The following NRXN3 variants were observed in gnomAD, a reference collection of about 807,000 sequenced individuals.
The protein encoded by NRXN3 is neurexin 3.
NRXN3 carries 32 observed loss-of-function variants against 137.6 expected under a neutral mutation model. The ratio of observed to expected loss-of-function variants is 0.23; its 90% CI spans 0.18 to 0.31. The LOEUF is 0.31. Among genes scored for constraint, NRXN3 ranks in the 10% least tolerant of loss-of-function variants. The pLI is 1.00. For missense variants in NRXN3, 1,574 were observed against 2,062.5 expected (o/e 0.76, Z 4.59); for synonymous variants, 798 against 784.5 (o/e 1.02, Z -0.29).
At chr14:79,038,632 G>A (rs941353250) in intron 15 of NRXN3, among the ~76,000 whole-genome samples, 3 of 152,066 alleles carry the variant, frequency 2.0e-5, no homozygotes, top group African/African-American at 7.2e-5. Context: ...TTGACTGCTT[G>A]TAGTTTTTTC....
intron 4 of NRXN3, among the ~76,000 whole-genome samples, chr14:78,511,055 T>G (rs2096095979): frequency 6.6e-6 from 1 of 152,170 alleles, no homozygotes; most frequent in South Asian, 2.1e-4. Context: ...CATAACCCAG[T>G]GCCTTCTTAT....
intron 3 of NRXN3, among the ~76,000 whole-genome samples, chr14:78,291,322 T>G (rs1210176707): frequency 6.6e-6 from 1 of 152,208 alleles, no homozygotes; most frequent in East Asian, 1.9e-4. Context: ...GAGCTGTATT[T>G]AATGAGATAA....
Position 78,213,758 on chromosome 14 carries a change from C to T in NRXN3, c.-703-28633C>T, listed in dbSNP as rs535348780. On this transcript the variant is annotated intron_variant, in intron 1 of 20. Coordinates refer to ENST00000335750, the MANE Select transcript of NRXN3 (RefSeq NM_001330195.2). ...TCTCAGTGGTGCACTTCCATGGCTACCCTCATAGGGGAGGGCCAGGCCACC... is the reference window on the plus strand; with the variant it reads ...TCTCAGTGGTGCACTTCCATGGCTATCCTCATAGGGGAGGGCCAGGCCACC... Among the ~76,000 whole-genome samples the T allele has an allele frequency of 3.3e-5, 5 of 152,144 alleles. No individual in the cohort carries two copies. The South Asian group carries it at 1.0e-3, about 32-fold the overall frequency.
At chr14:79,619,822 G>A (rs1260442363) in intron 16 of NRXN3, among the ~76,000 whole-genome samples, 1 of 152,114 alleles carries the variant, frequency 6.6e-6, no homozygotes, top group East Asian at 1.9e-4. Context: ...CCATATGCAT[G>A]AAAAGATAAA....
chr14:79,622,281 T>G (rs1213265497), intron 16 of NRXN3, among the ~76,000 whole-genome samples: 2 of 152,182 alleles, frequency 1.3e-5, no homozygotes, highest in Non-Finnish European at 1.5e-5. Context: ...GTGATCCTTT[T>G]GTCAGTGGAA....
At chr14:79,209,217 C>T (rs552447152) in intron 15 of NRXN3, among the ~76,000 whole-genome samples, 2 of 152,004 alleles carry the variant, frequency 1.3e-5, no homozygotes, top group Non-Finnish European at 1.5e-5. Flanking sequence ...GGATTATAGG[C>T]GTGAGCCACT....
intron 15 of NRXN3, among the ~76,000 whole-genome samples, chr14:79,011,447 A>AG (rs1338671845): frequency 6.7e-6 from 1 of 148,264 alleles, no homozygotes; most frequent in Non-Finnish European, 1.5e-5. Context: ...AAAAAAAAAA[A>AG]CAATTCAAGA....
At chr14:78,736,142 T>C (rs957952961) in intron 8 of NRXN3, among the ~76,000 whole-genome samples, 1 of 121,306 alleles carries the variant, frequency 8.2e-6, no homozygotes, top group African/African-American at 2.6e-5. Flanking sequence ...GATCCATGTA[T>C]CTTATTCTGA....
intron 20 of NRXN3, among the ~76,000 whole-genome samples, chr14:79,823,479 G>A (rs985228753): frequency 6.6e-6 from 1 of 152,166 alleles, no homozygotes; most frequent in Non-Finnish European, 1.5e-5. Flanking sequence ...GGGATGCTGA[G>A]GTGGGAGGAT....
At chr14:79,059,250 CTTTTTTTTTTTTTTTT>C (rs869266975) in intron 15 of NRXN3, among the ~76,000 whole-genome samples, 1 of 78,320 alleles carries the variant, frequency 1.3e-5, no homozygotes, top group Non-Finnish European at 2.5e-5. Context: ...AGGCCCTATT[CTTTTTTTTTTTTTTTT>C]TTTTTTTTTG....
chr14:78,498,037 G>A (rs1038675004), intron 4 of NRXN3, among the ~76,000 whole-genome samples: 1 of 152,178 alleles, frequency 6.6e-6, no homozygotes, highest in Non-Finnish European at 1.5e-5. Flanking sequence ...CCTAGTATGT[G>A]TTAAGTATTA....
At chr14:79,114,853 C>G (rs537999172) in intron 15 of NRXN3, among the ~76,000 whole-genome samples, 2 of 152,186 alleles carry the variant, frequency 1.3e-5, no homozygotes, top group South Asian at 4.2e-4. Context: ...ATCTTCTCTT[C>G]AGTCTATACC....
intron 15 of NRXN3, among the ~76,000 whole-genome samples, chr14:79,216,936 G>C (rs2068616454): frequency 6.6e-6 from 1 of 151,958 alleles, no homozygotes; most frequent in Non-Finnish European, 1.5e-5. Context: ...GCAGATCAAG[G>C]CCAGCCTGGC....
At chr14:78,817,452 A>G (rs965337292) in intron 10 of NRXN3, among the ~76,000 whole-genome samples, 1 of 152,230 alleles carries the variant, frequency 6.6e-6, no homozygotes, top group Non-Finnish European at 1.5e-5. Context: ...TTCAAAGCAC[A>G]AGCCTTCATA....
intron 10 of NRXN3, among the ~76,000 whole-genome samples, chr14:78,929,151 A>AT (rs1196135115): frequency 2.6e-5 from 4 of 151,674 alleles, no homozygotes; most frequent in Non-Finnish European, 4.4e-5. Context: ...TGGTTGTTTG[A>AT]TTTTTTCTTG....
At chr14:79,126,265 G>A (rs1037507961) in intron 15 of NRXN3, among the ~76,000 whole-genome samples, 11 of 151,884 alleles carry the variant, frequency 7.2e-5, no homozygotes, top group South Asian at 2.1e-4. Flanking sequence ...GTGCTGGTGC[G>A]CTGCACCCAC....
rs373491178 is a variant in NRXN3, at chr14:78,660,253, T to TTATATATATATATATATATATATA, written c.1221+8950_1221+8951insATATATATATATATATATATATAT. 4.2e-4 allele frequency among the ~76,000 whole-genome samples: 58 copies of TTATATATATATATATATATATATA among 139,676 alleles called. No homozygotes were observed. In the East Asian group the frequency reaches 4.8e-3, roughly 12 times the overall value. The allele number at this position is 139,676 out of a possible 152,430, so 91.6% of individuals were successfully genotyped here. A position where few individuals can be genotyped will look rare whatever the true frequency, so the allele number is the denominator to read the frequency against. ...ATGGGTTGTTGATGAAGAAGTAGAT[T>TTATATATATATATATATATATATA]TATATATATATATATATATATATTT... On this transcript the variant is annotated intron_variant, in intron 6 of 20. Transcript: ENST00000335750.
rs1205052588 is a variant in NRXN3 at position 78,630,581 on chromosome 14, T to TTTTC, written c.758-14523_758-14520dup. Among the ~76,000 whole-genome samples, 12 of 146,742 alleles carry TTTTC rather than the reference T, an allele frequency of 8.2e-5. No homozygotes were observed. In the East Asian group the frequency reaches 1.0e-3, roughly 13 times the overall value. On this transcript the variant is annotated intron_variant, in intron 4 of 20. Coordinates refer to ENST00000335750, the MANE Select transcript of NRXN3 (RefSeq NM_001330195.2). ...TACAAATGTACTACACTCTTCTTAT[T>TTTTC]TTTCTTTCTTTCTTTCTTTTTTTTT...
intron 15 of NRXN3, among the ~76,000 whole-genome samples, chr14:79,175,044 C>G (rs1171084454): frequency 3.4e-5 from 5 of 148,832 alleles, no homozygotes; most frequent in Admixed American, 1.3e-4. Flanking sequence ...GCAGTGGTGC[C>G]ATCTCGGCTC....
Sources: gnomAD v4.1 joint callset for allele counts (sites outside exome capture counted in the v4.1 genomes callset) on GRCh38, gnomAD v4.1.1 for gene constraint, MANE v1.5 for transcripts, NCBI Gene and HGNC (gene_info 2026-07-23, HGNC 2026-07-21) for gene names.